PLPPR1: variants seen among roughly 807,000 people sequenced by gnomAD.
PLPPR1 encodes the protein phospholipid phosphatase-related protein type 1.
A neutral mutation model predicts 33.1 loss-of-function variants in PLPPR1; 10 were observed. The ratio of observed to expected loss-of-function variants is 0.30; its 90% CI spans 0.19 to 0.51. PLPPR1 has a LOEUF of 0.51. Among genes scored for constraint, PLPPR1 ranks in the 20% least tolerant of loss-of-function variants. PLPPR1 has a pLI of 0.97. For missense variants in PLPPR1, 304 were observed against 408.1 expected (o/e 0.74, Z 2.20); for synonymous variants, 151 against 151.0 (o/e 1.00, Z 0.00).
chr9:101,257,890 G>T (rs1329073), intron 2 of PLPPR1, among the ~76,000 whole-genome samples: 52,945 of 151,482 alleles, frequency 0.35, 9,290 homozygotes, highest in Admixed American at 0.39. Context: ...CTTTATTTTG[G>T]ACTTACAACA....
At chr9:101,303,367 T>C (rs995808372) in intron 4 of PLPPR1, among the ~76,000 whole-genome samples, 9 of 151,788 alleles carry the variant, frequency 5.9e-5, no homozygotes, top group African/African-American at 2.2e-4. Context: ...AATGGCACAA[T>C]CTCTGCTCAC....
rs534055608 is a variant in PLPPR1 at position 101,046,934 on chromosome 9, C to T, written c.-46+17832C>T. Among the ~76,000 whole-genome samples the T allele has an allele frequency of 2.6e-5, 4 of 151,938 alleles. No homozygotes were observed. The South Asian group carries it at 8.3e-4, about 32-fold the overall frequency. On this transcript the variant is annotated intron_variant, in intron 1 of 7. Coordinates refer to ENST00000374874, the MANE Select transcript of PLPPR1 (RefSeq NM_207299.2). ...CCTTTAAAATGGAACTTACTGAAAC[C>T]CCCCCTTCTTTGGTCACATTGATCT... is the stretch of plus-strand genomic sequence containing the variant.
rs79618299 is a variant in PLPPR1 at position 101,076,343 on chromosome 9, G to A, written c.-46+47241G>A. 6.2e-3 allele frequency among the ~76,000 whole-genome samples: 948 copies of A among 152,248 alleles called. 12 individuals carry two copies. Among genetic ancestry groups the A allele is most frequent in the African/African-American group, 0.022 (915 of 41,556 alleles). On this transcript the variant is annotated intron_variant, in intron 1 of 7. Transcript: ENST00000374874. ...ACTGAAATAATGTGACTCTGCCTTT[G>A]AGAAGATAACTTTGGCCTTTGTGAG...
At chr9:101,195,951 C>T (rs1826386720) in intron 2 of PLPPR1, among the ~76,000 whole-genome samples, 2 of 152,198 alleles carry the variant, frequency 1.3e-5, no homozygotes, top group Non-Finnish European at 1.5e-5. Flanking sequence ...TAATGGCAGA[C>T]TCTGAAGTGA....
At chr9:101,238,198 C>A (rs557027278) in intron 2 of PLPPR1, among the ~76,000 whole-genome samples, 28 of 133,058 alleles carry the variant, frequency 2.1e-4, no homozygotes, top group Non-Finnish European at 4.2e-4. Flanking sequence ...TATATATATA[C>A]CCTATATATA....
rs1182335925 is a variant in PLPPR1, at chr9:101,087,844, G to A, written c.-46+58742G>A. Among the ~76,000 whole-genome samples, 6 of 152,126 alleles carry A rather than the reference G, an allele frequency of 3.9e-5. No homozygotes were observed. In the East Asian group the frequency reaches 5.8e-4, roughly 15 times the overall value. On this transcript the variant is annotated intron_variant, in intron 1 of 7. Coordinates refer to ENST00000374874, the MANE Select transcript of PLPPR1 (RefSeq NM_207299.2). Reference sequence around the variant, plus strand: ...TATTATTTTATTCAGAATTGTCTACGTATTGTTTTCTGTGTCAAATGTTTC... The same window carrying A: ...TATTATTTTATTCAGAATTGTCTACATATTGTTTTCTGTGTCAAATGTTTC...
At chr9:101,280,579 C>T (rs1828279118) in intron 3 of PLPPR1, among the ~76,000 whole-genome samples, 1 of 152,092 alleles carries the variant, frequency 6.6e-6, no homozygotes, top group South Asian at 2.1e-4. Flanking sequence ...GATCATTTAT[C>T]ATGGCCAAGT....
intron 2 of PLPPR1, among the ~76,000 whole-genome samples, chr9:101,195,521 A>C (rs1826378546): frequency 6.6e-6 from 1 of 152,066 alleles, no homozygotes; most frequent in South Asian, 2.1e-4. Context: ...TAAAGAGTTC[A>C]AGCAGAGACC....
intron 2 of PLPPR1, among the ~76,000 whole-genome samples, chr9:101,226,868 A>G (rs1827080773): frequency 6.6e-6 from 1 of 152,132 alleles, no homozygotes; most frequent in South Asian, 2.1e-4. Flanking sequence ...ATTCCTCAAA[A>G]CTAGAAAAGA....
intron 1 of PLPPR1, among the ~76,000 whole-genome samples, chr9:101,078,815 C>T (rs561654359): frequency 7.9e-5 from 12 of 151,036 alleles, no homozygotes; most frequent in East Asian, 2.0e-4. Flanking sequence ...TTTCTTAGTA[C>T]GAAAAAAAAG....
intron 2 of PLPPR1, among the ~76,000 whole-genome samples, chr9:101,260,418 T>C (rs374431974): frequency 2.0e-5 from 3 of 152,088 alleles, no homozygotes; most frequent in East Asian, 3.9e-4. Context: ...TGAGAGAATG[T>C]GGAAGCCTGA....
chr9:101,132,928 T>C (rs1831330250), intron 1 of PLPPR1, among the ~76,000 whole-genome samples: 1 of 152,172 alleles, frequency 6.6e-6, no homozygotes, highest in Non-Finnish European at 1.5e-5. Context: ...GTCTCTGTCT[T>C]GAATAATTTT....
intron 2 of PLPPR1, among the ~76,000 whole-genome samples, chr9:101,249,136 G>A (rs1275486043): frequency 6.6e-6 from 1 of 152,070 alleles, no homozygotes; most frequent in African/African-American, 2.4e-5. Flanking sequence ...GCAAAAGATA[G>A]CCATCCTCAC....
At chr9:101,069,496 G>A (rs1425595421) in intron 1 of PLPPR1, among the ~76,000 whole-genome samples, 3 of 152,192 alleles carry the variant, frequency 2.0e-5, no homozygotes, top group South Asian at 2.1e-4. Context: ...CCAGTGATAC[G>A]TTTCTGAGTT....
intron 1 of PLPPR1, among the ~76,000 whole-genome samples, chr9:101,077,144 C>T (rs1375249870): frequency 6.6e-6 from 1 of 152,178 alleles, no homozygotes; most frequent in Non-Finnish European, 1.5e-5. Flanking sequence ...GTTAGACAGA[C>T]TAAACCCAAA....
At chr9:101,272,674 T>C (rs1828122058) in intron 3 of PLPPR1, among the ~76,000 whole-genome samples, 1 of 152,194 alleles carries the variant, frequency 6.6e-6, no homozygotes. Context: ...CAATAGACTG[T>C]GTGCATATAA....
chr9:101,145,608 T>C (rs1313270001), intron 1 of PLPPR1, among the ~76,000 whole-genome samples: 2 of 152,096 alleles, frequency 1.3e-5, no homozygotes, highest in Non-Finnish European at 2.9e-5. Context: ...CTCGAACTCC[T>C]GACCTCAGGT....
At chr9:101,299,112 A>G (rs1411090327) in intron 4 of PLPPR1, among the ~76,000 whole-genome samples, 1 of 152,230 alleles carries the variant, frequency 6.6e-6, no homozygotes, top group Non-Finnish European at 1.5e-5. Flanking sequence ...GAAAAATGTC[A>G]AGAGCAAGGC....
intron 1 of PLPPR1, among the ~76,000 whole-genome samples, chr9:101,074,559 C>T (rs913974561): frequency 2.0e-5 from 3 of 152,072 alleles, no homozygotes; most frequent in Non-Finnish European, 4.4e-5. Context: ...TGGGGCAGTG[C>T]AAGGCATAGG....
Sources: allele counts gnomAD v4.1 joint callset (sites outside exome capture counted in the v4.1 genomes callset), GRCh38; gene constraint gnomAD v4.1.1; transcripts MANE v1.5; gene names NCBI Gene and HGNC (gene_info 2026-07-23, HGNC 2026-07-21).